The following FOS variants were observed in gnomAD, a reference collection of about 807,000 sequenced individuals.
The protein encoded by FOS is Fos proto-oncogene, AP-1 transcription factor subunit.
In FOS, 9 loss-of-function variants were observed where a neutral mutation model predicts 27.2. The ratio of observed to expected loss-of-function variants is 0.33; its 90% CI spans 0.20 to 0.58. The LOEUF is 0.58. FOS is among the 20% of genes least tolerant of loss of function. The pLI, the probability that FOS is intolerant of heterozygous loss-of-function variation, is 0.87. For synonymous variants in FOS, 213 were observed against 205.1 expected, an observed-to-expected ratio of 1.04 and a Z score of -0.33; for missense variants, 405 against 483.5, an observed-to-expected ratio of 0.84 and a Z score of 1.52.
chr14:75,280,014 T>A lies in FOS; in HGVS notation c.279T>A (p.Pro93=). ...SSVAPSQTRA[P]HPFGVPAPSA... Reference sequence around the variant, plus strand: ...TGGCCCCATCGCAGACCAGAGCCCCTCACCCTTTCGGAGTCCCCGCCCCCT... The same window carrying A: ...TGGCCCCATCGCAGACCAGAGCCCCACACCCTTTCGGAGTCCCCGCCCCCT... Residue 93 remains proline, a synonymous_variant, in exon 2 of 4, where the codon CCT becomes CCA. Transcript: ENST00000303562. 1 of 1,613,996 alleles carries A rather than the reference T, an allele frequency of 6.2e-7. No individual in the cohort carries two copies. The highest frequency in any genetic ancestry group is 1.1e-5 in the South Asian group (1 of 91,074).
Position 75,279,248 on chromosome 14 carries a change from C to G in FOS, c.141+125C>G, listed in dbSNP as rs1350449693. The G allele has an allele frequency of 7.5e-7, 1 of 1,328,322 alleles. No individual in the cohort carries two copies. Among genetic ancestry groups the G allele is most frequent in the East Asian group, 2.4e-5 (1 of 41,838 alleles). The allele number at this position is 1,328,322 out of a possible 1,614,324, so 82.3% of individuals were successfully genotyped here. ...GTGCCTGGAGGGAGGCTGCCGTGGC[C>G]GGAGCGGTGCCGGCTCGGGGGCTCG... is the stretch of plus-strand genomic sequence containing the variant. On this transcript the variant is annotated intron_variant, in intron 1 of 3. Transcript: ENST00000303562. The surrounding 1 kb of genome is among the most constrained non-coding windows in gnomAD (Gnocchi z 5.4).
chr14:75,279,051 CGGGGATA>C lies in FOS; in HGVS notation c.71_77del (p.Gly24AlafsTer87). On this transcript the variant is annotated frameshift_variant, in exon 1 of 4. Coordinates refer to ENST00000303562, the MANE Select transcript of FOS (RefSeq NM_005252.4). LOFTEE classifies it high-confidence loss of function. This position sits in a 1 kb window ranked among gnomAD's most constrained non-coding sequence, Gnocchi z 5.4. ...CCCGCTGCAGCAGCGCGTCCCCGGC[CGGGGATA>C]GCCTCTCTTACTACCACTCACCCGC... is the stretch of plus-strand genomic sequence containing the variant. 6.2e-7 allele frequency: 1 copy of C among 1,613,736 alleles called. No homozygotes were observed. Among genetic ancestry groups the C allele is most frequent in the Non-Finnish European group, 8.5e-7 (1 of 1,179,936 alleles).
rs2139938913 is a variant in FOS, at chr14:75,282,142, T to C, written c.*718T>C. 6.6e-6 allele frequency: 1 copy of C among 152,524 alleles called. No individual in the cohort carries two copies. Among genetic ancestry groups the C allele is most frequent in the African/African-American group, 2.4e-5 (1 of 41,594 alleles). 9.4% of individuals were successfully genotyped at this position (152,524 alleles called of 1,614,324 possible). On this transcript the variant is annotated 3_prime_UTR_variant, in exon 4 of 4. Transcript: ENST00000303562. ...TTTTCTACCTTGAGGTCTTTTGACATGTGGAAAGTGAATTTGAATGAAAAA... is the reference window on the plus strand; with the variant it reads ...TTTTCTACCTTGAGGTCTTTTGACACGTGGAAAGTGAATTTGAATGAAAAA...
rs1335538895 is a variant in FOS at position 75,281,764 on chromosome 14, A to G, written c.*340A>G. 2 of 297,356 alleles carry G rather than the reference A, an allele frequency of 6.7e-6. No homozygotes were observed. Among genetic ancestry groups the G allele is most frequent in the Non-Finnish European group, 1.3e-5 (2 of 155,722 alleles). 18.4% of individuals were successfully genotyped at this position (297,356 alleles called of 1,614,324 possible). A position where few individuals can be genotyped will look rare whatever the true frequency, so the allele number is the denominator to read the frequency against. Reference sequence around the variant, plus strand: ...GTCTTCTCATAGCATTAACTAATCTATTGGGTTCATTATTGGAATTAACCT... The same window carrying G: ...GTCTTCTCATAGCATTAACTAATCTGTTGGGTTCATTATTGGAATTAACCT... On this transcript the variant is annotated 3_prime_UTR_variant, in exon 4 of 4. Coordinates refer to ENST00000303562, the MANE Select transcript of FOS (RefSeq NM_005252.4). The surrounding 1 kb of genome is among the most constrained non-coding windows in gnomAD (Gnocchi z 4.7).
intron 2 of FOS, 63 bp downstream of exon 2, chr14:75,280,191 A>G (rs746068524): frequency 6.2e-7 from 1 of 1,608,068 alleles, no homozygotes; most frequent in Admixed American, 1.7e-5. Context: ...AGCCCCGGAG[A>G]TGCAGGAGCC....
chr14:75,279,245 G>C lies in FOS; in HGVS notation c.141+122G>C. 7.4e-7 allele frequency: 1 copy of C among 1,359,762 alleles called. No homozygotes were observed. The highest frequency in any genetic ancestry group is 1.0e-6 in the Non-Finnish European group (1 of 991,208). The allele number at this position is 1,359,762 out of a possible 1,614,324, so 84.2% of individuals were successfully genotyped here. A position where few individuals can be genotyped will look rare whatever the true frequency, so the allele number is the denominator to read the frequency against. ...CTTGTGCCTGGAGGGAGGCTGCCGT[G>C]GCCGGAGCGGTGCCGGCTCGGGGGC... On this transcript the variant is annotated intron_variant, in intron 1 of 3. Transcript: ENST00000303562. This position sits in a 1 kb window ranked among gnomAD's most constrained non-coding sequence, Gnocchi z 5.4.
At position 75,281,026 on chromosome 14, in the gene FOS, C is replaced by T. The variant is rs761903101; in HGVS notation, c.745C>T (p.Pro249Ser). Reference protein sequence around the residue: ...FTLPLLNDPEPKPSVEPVKSI... With the variant: ...FTLPLLNDPESKPSVEPVKSI... ...CCTGCCTCTCCTCAATGACCCTGAG[C>T]CCAAGCCCTCAGTGGAACCTGTCAA... The change falls in exon 4 of 4, where the codon CCC becomes TCC. Residue 249 changes from proline to serine, a missense_variant. Pro to Ser is a moderately conservative substitution (Grantham distance 74, BLOSUM62 -1). Transcript: ENST00000303562. The surrounding 1 kb of genome is among the most constrained non-coding windows in gnomAD (Gnocchi z 4.7). 2 of 1,613,854 alleles carry T rather than the reference C, an allele frequency of 1.2e-6. No individual in the cohort carries two copies. The highest frequency in any genetic ancestry group is 8.5e-7 in the Non-Finnish European group (1 of 1,180,030).
At position 75,279,172 on chromosome 14, in the gene FOS, A is replaced by T. The variant is rs765667585; in HGVS notation, c.141+49A>T. 2 of 1,605,634 alleles carry T rather than the reference A, an allele frequency of 1.2e-6. No individual in the cohort carries two copies. The highest frequency in any genetic ancestry group is 3.3e-5 in the Admixed American group (2 of 59,860). On this transcript the variant is annotated intron_variant, in intron 1 of 3. Transcript: ENST00000303562. The surrounding 1 kb of genome is among the most constrained non-coding windows in gnomAD (Gnocchi z 5.4). ...CGGGGCCGGGGGCTTGGGGTCGCGG[A>T]GGAGGAGACACCGGGCGGGACGCTC...
Position 75,279,200 on chromosome 14 carries a change from G to A in FOS, c.141+77G>A. On this transcript the variant is annotated intron_variant, in intron 1 of 3. Coordinates refer to ENST00000303562, the MANE Select transcript of FOS (RefSeq NM_005252.4). The surrounding 1 kb of genome is among the most constrained non-coding windows in gnomAD (Gnocchi z 5.4). ...AGGAGACACCGGGCGGGACGCTCCA[G>A]TAGATGAGTAGGGGGCTCCCTTGTG... 2 of 1,579,434 alleles carry A rather than the reference G, an allele frequency of 1.3e-6. No individual in the cohort carries two copies. Among genetic ancestry groups the A allele is most frequent in the Admixed American group, 1.7e-5 (1 of 58,612 alleles).
Position 75,279,333 on chromosome 14 carries a change from G to T in FOS, c.141+210G>T, listed in dbSNP as rs1229116141. Reference sequence around the variant, plus strand: ...TAAGAATTGGTTCCCCCTTCGGGAGGCAGGTTCGTTCTGAGCAACCTCTGG... The same window carrying T: ...TAAGAATTGGTTCCCCCTTCGGGAGTCAGGTTCGTTCTGAGCAACCTCTGG... On this transcript the variant is annotated intron_variant, in intron 1 of 3. Coordinates refer to ENST00000303562, the MANE Select transcript of FOS (RefSeq NM_005252.4). The surrounding 1 kb of genome is among the most constrained non-coding windows in gnomAD (Gnocchi z 5.4). 1 of 657,944 alleles carries T rather than the reference G, an allele frequency of 1.5e-6. No homozygotes were observed. Among genetic ancestry groups the T allele is most frequent in the Non-Finnish European group, 2.6e-6 (1 of 389,710 alleles). 40.8% of individuals were successfully genotyped at this position (657,944 alleles called of 1,614,324 possible).
At position 75,279,946 on chromosome 14, in the gene FOS, C is replaced by A. The variant is rs148786753; in HGVS notation, c.211C>A (p.Pro71Thr). The A allele has an allele frequency of 2.8e-5, 46 of 1,614,156 alleles. No individual in the cohort carries two copies. The African/African-American group carries it at 5.5e-4, about 19-fold the overall frequency. ...IPTVTAISTS[P>T]DLQWLVQPAL... ...CACGGTCACTGCCATCTCGACCAGT[C>A]CGGACCTGCAGTGGCTGGTGCAGCC... The change falls in exon 2 of 4, where the codon CCG (proline) becomes ACG (threonine). Residue 71 changes from proline (P) to threonine (T), a missense_variant. Coordinates refer to ENST00000303562, the MANE Select transcript of FOS (RefSeq NM_005252.4). This position sits in a 1 kb window ranked among gnomAD's most constrained non-coding sequence, Gnocchi z 5.4.
At position 75,281,840 on chromosome 14, in the gene FOS, CT is replaced by C. The variant is rs1243771147; in HGVS notation, c.*417del. The C allele has an allele frequency of 9.7e-6, 2 of 206,958 alleles. No homozygotes were observed. The highest frequency in any genetic ancestry group is 4.6e-5 in the African/African-American group (2 of 43,822). 12.8% of individuals were successfully genotyped at this position (206,958 alleles called of 1,614,324 possible). On this transcript the variant is annotated 3_prime_UTR_variant, in exon 4 of 4. Coordinates refer to ENST00000303562, the MANE Select transcript of FOS (RefSeq NM_005252.4). This position sits in a 1 kb window ranked among gnomAD's most constrained non-coding sequence, Gnocchi z 4.7. ...CTAGTGCAGCTGATTTTAACAATAA[CT>C]ACTGTGTTCCTGGCAATAGTGTGTT...
Position 75,280,069 on chromosome 14 carries a change from G to A in FOS, c.334G>A (p.Val112Met). ...TGGGGCTTACTCCAGGGCTGGCGTT[G>A]TGAAGACCATGACAGGAGGCCGAGC... ...SAGAYSRAGVVKTMTGGRAQS... is the reference protein window; with the variant it reads ...SAGAYSRAGVMKTMTGGRAQS... Residue 112 changes from valine (V) to methionine (M), a missense_variant, in exon 2 of 4, where the codon GTG becomes ATG. Val to Met is a conservative substitution (Grantham distance 21). Coordinates refer to ENST00000303562, the MANE Select transcript of FOS (RefSeq NM_005252.4). The A allele has an allele frequency of 1.2e-6, 2 of 1,614,178 alleles. No individual in the cohort carries two copies. The highest frequency in any genetic ancestry group is 2.2e-5 in the East Asian group (1 of 44,884).
chr14:75,278,837 T>G lies in FOS; in HGVS notation c.-146T>G. The G allele has an allele frequency of 1.1e-6, 1 of 878,970 alleles. No homozygotes were observed. Among genetic ancestry groups the G allele is most frequent in the Non-Finnish European group, 1.7e-6 (1 of 576,702 alleles). The allele number at this position is 878,970 out of a possible 1,614,324, so 54.4% of individuals were successfully genotyped here. A position where few individuals can be genotyped will look rare whatever the true frequency, so the allele number is the denominator to read the frequency against. The stretch of plus-strand genomic sequence containing the variant: ...CGGCGCCTCGTACTCCAACCGCATC[T>G]GCAGCGAGCATCTGAGAAGCCAAGA... On this transcript the variant is annotated 5_prime_UTR_variant, in exon 1 of 4. Transcript: ENST00000303562. This position sits in a 1 kb window ranked among gnomAD's most constrained non-coding sequence, Gnocchi z 4.1.
chr14:75,279,649 G>T lies in FOS; in HGVS notation c.142-228G>T. 1 of 582,292 alleles carries T rather than the reference G, an allele frequency of 1.7e-6. No individual in the cohort carries two copies. 36.1% of individuals were successfully genotyped at this position (582,292 alleles called of 1,614,324 possible). A position where few individuals can be genotyped will look rare whatever the true frequency, so the allele number is the denominator to read the frequency against. ...AACCCCCTTTCAAGCAAGTGATGCT[G>T]AAGGGATAACGGGAACGCAGCGGCA... On this transcript the variant is annotated intron_variant, in intron 1 of 3. Coordinates refer to ENST00000303562, the MANE Select transcript of FOS (RefSeq NM_005252.4). The surrounding 1 kb of genome is among the most constrained non-coding windows in gnomAD (Gnocchi z 5.4).
Position 75,281,079 on chromosome 14 carries a change from C to T in FOS, c.798C>T (p.Thr266=), listed in dbSNP as rs75898085. The T allele has an allele frequency of 3.5e-4, 563 of 1,611,142 alleles. 6 individuals are homozygous for T. The East Asian group carries it at 0.01, about 30-fold the overall frequency. The change falls in exon 4 of 4, where the codon ACC becomes ACT. Residue 266 remains threonine (T), a synonymous_variant. Coordinates refer to ENST00000303562, the MANE Select transcript of FOS (RefSeq NM_005252.4). This position sits in a 1 kb window ranked among gnomAD's most constrained non-coding sequence, Gnocchi z 4.7. ...GCATCAGCAGCATGGAGCTGAAGAC[C>T]GAGCCCTTTGATGACTTCCTGTTCC... ...VKSISSMELK[T]EPFDDFLFPA...
chr14:75,280,557 T>C lies in FOS; in HGVS notation c.394-3T>C, dbSNP rs111885590. The C allele has an allele frequency of 6.2e-7, 1 of 1,610,188 alleles. No individual in the cohort carries two copies. Among genetic ancestry groups the C allele is most frequent in the African/African-American group, 1.3e-5 (1 of 74,858 alleles). Reference sequence around the variant, plus strand: ...TGTCGGTCTTTTTTTGTGATTATTCTAGTTATCTCCAGAAGAAGAAGAGAA... The same window carrying C: ...TGTCGGTCTTTTTTTGTGATTATTCCAGTTATCTCCAGAAGAAGAAGAGAA... On this transcript the variant is annotated splice_region_variant and splice_polypyrimidine_tract_variant and intron_variant, in intron 2 of 3. Transcript: ENST00000303562.
In FOS at chr14:75,279,467, C is replaced by T. The variant is rs1594901610; in HGVS notation, c.141+344C>T. 6.9e-6 allele frequency: 3 copies of T among 437,006 alleles called. No individual in the cohort carries two copies. The highest frequency in any genetic ancestry group is 8.2e-6 in the Non-Finnish European group (2 of 243,532). 27.1% of individuals were successfully genotyped at this position (437,006 alleles called of 1,614,324 possible). A position where few individuals can be genotyped will look rare whatever the true frequency, so the allele number is the denominator to read the frequency against. On this transcript the variant is annotated intron_variant, in intron 1 of 3. Coordinates refer to ENST00000303562, the MANE Select transcript of FOS (RefSeq NM_005252.4). This position sits in a 1 kb window ranked among gnomAD's most constrained non-coding sequence, Gnocchi z 5.4. The stretch of plus-strand genomic sequence containing the variant: ...CGGGGAGGTGGCAGAAAGCGGCAAT[C>T]CCCCCTCCCCCGGCAGCCTGGAGCA...
intron 3 of FOS, 21 bp from the exon 4 acceptor site, chr14:75,280,762 C>T (rs1343775803): frequency 3.7e-6 from 6 of 1,613,026 alleles, no homozygotes; most frequent in South Asian, 1.1e-5. Context: ...CTTATGCTTT[C>T]CTTTATCCCT....
Sources: gnomAD v4.1 joint callset for allele counts on GRCh38, gnomAD v4.1.1 for gene constraint, Gnocchi (gnomAD v3.1) non-coding constraint, MANE v1.5 for transcripts, NCBI Gene and HGNC (gene_info 2026-07-23, HGNC 2026-07-21) for gene names.